Variants in WBP1L observed in about 807,000 individuals in gnomAD.
The protein encoded by WBP1L is WW domain binding protein 1-like.
A neutral mutation model predicts 33.7 loss-of-function variants in WBP1L; 17 were observed. That is an observed-to-expected ratio of 0.50 (90% CI 0.34 to 0.76). The LOEUF is 0.76. Ranked by LOEUF, WBP1L falls within the 30% of genes least tolerant of loss-of-function variation. The pLI, the probability that WBP1L is intolerant of heterozygous loss-of-function variation, is 0.01. For synonymous variants in WBP1L, 173 were observed against 190.8 expected (o/e 0.91, Z 0.77); for missense variants, 389 against 469.4 (o/e 0.83, Z 1.58).
chr10:102,769,356 C>CTTTTTT lies in WBP1L; in HGVS notation c.90+25216_90+25217insTTTTTT, dbSNP rs376863934. ...GCATCCCTTCTTTGTTTTCTTTTTT[C>CTTTTTT]TTTCTTTTTTTTTTTTTTACTGGAA... On this transcript the variant is annotated intron_variant, in intron 1 of 3. Coordinates refer to ENST00000448841, the MANE Select transcript of WBP1L (RefSeq NM_001083913.2). Among the ~76,000 whole-genome samples the CTTTTTT allele has an allele frequency of 6.7e-5, 9 of 134,648 alleles. 1 individual carries two copies. Among genetic ancestry groups the CTTTTTT allele is most frequent in the Non-Finnish European group, 1.0e-4 (6 of 59,566 alleles). 88.3% of individuals were successfully genotyped at this position (134,648 alleles called of 152,430 possible). A position where few individuals can be genotyped will look rare whatever the true frequency, so the allele number is the denominator to read the frequency against.
chr10:102,781,223 G>A (rs1843330643), intron 1 of WBP1L, among the ~76,000 whole-genome samples: 1 of 152,224 alleles, frequency 6.6e-6, no homozygotes, highest in Non-Finnish European at 1.5e-5. Context: ...TGGAAAGGCT[G>A]TGTGATAGCC....
At chr10:102,787,907 G>A (rs915653081) in intron 1 of WBP1L, among the ~76,000 whole-genome samples, 3 of 151,448 alleles carry the variant, frequency 2.0e-5, no homozygotes, top group Non-Finnish European at 2.9e-5. Flanking sequence ...GTGAAACCCT[G>A]TCTCTATTAA....
chr10:102,774,242 G>C (rs1199784943), intron 1 of WBP1L, among the ~76,000 whole-genome samples: 1 of 152,170 alleles, frequency 6.6e-6, no homozygotes, highest in South Asian at 2.1e-4. Flanking sequence ...TTCCCTGGGC[G>C]GCTGTGCCTT....
At chr10:102,759,297 C>T (rs1481079378) in intron 1 of WBP1L, among the ~76,000 whole-genome samples, 1 of 152,184 alleles carries the variant, frequency 6.6e-6, no homozygotes, top group African/African-American at 2.4e-5. Flanking sequence ...CACAATGTCC[C>T]TTCAGCACCT....
At position 102,806,017 on chromosome 10, in the gene WBP1L, A is replaced by G. The variant is rs1843728230; in HGVS notation, c.194-3876A>G. 2.6e-5 allele frequency among the ~76,000 whole-genome samples: 4 copies of G among 151,226 alleles called. No individual in the cohort carries two copies. In the Admixed American group the frequency reaches 2.6e-4, roughly 10 times the overall value. Reference sequence around the variant, plus strand: ...GGATTTTGAGACCAGCCTGGCCAACATGGTGAAACCCTGTCTCTACTAAAA... The same window carrying G: ...GGATTTTGAGACCAGCCTGGCCAACGTGGTGAAACCCTGTCTCTACTAAAA... On this transcript the variant is annotated intron_variant, in intron 2 of 3. Transcript: ENST00000448841.
chr10:102,767,194 C>A (rs11191392), intron 1 of WBP1L, among the ~76,000 whole-genome samples: 73,878 of 152,054 alleles, frequency 0.49, 18,059 homozygotes, highest in East Asian at 0.63. Flanking sequence ...GAGACCCCTG[C>A]ACATTCTGGA....
intron 1 of WBP1L, among the ~76,000 whole-genome samples, chr10:102,769,995 T>C (rs909297066): frequency 6.6e-6 from 1 of 152,222 alleles, no homozygotes; most frequent in Admixed American, 6.5e-5. Flanking sequence ...GCAGGCCTGC[T>C]ACATGCCTGC....
chr10:102,748,079 A>G (rs1269287468), intron 1 of WBP1L, among the ~76,000 whole-genome samples: 5 of 151,444 alleles, frequency 3.3e-5, no homozygotes, highest in Non-Finnish European at 7.4e-5. Flanking sequence ...ACACAGTGAA[A>G]CCCCGTCTCT....
Position 102,758,131 on chromosome 10 carries a change from C to T in WBP1L, c.90+13988C>T, listed in dbSNP as rs527263959. ...AACTCCTGACCTCATGTGATCCACCCGCCTCGGCCTCCCAAAGTACTGGGA... is the reference window on the plus strand; with the variant it reads ...AACTCCTGACCTCATGTGATCCACCTGCCTCGGCCTCCCAAAGTACTGGGA... On this transcript the variant is annotated intron_variant, in intron 1 of 3. Transcript: ENST00000448841. 1.8e-4 allele frequency among the ~76,000 whole-genome samples: 27 copies of T among 149,106 alleles called. No individual in the cohort carries two copies. In the East Asian group the frequency reaches 3.4e-3, roughly 19 times the overall value.
intron 2 of WBP1L, among the ~76,000 whole-genome samples, chr10:102,799,162 C>T (rs752178104): frequency 5.3e-5 from 8 of 152,120 alleles, no homozygotes; most frequent in Non-Finnish European, 8.8e-5. Context: ...CCCCTCTCTA[C>T]TAAAAATACA....
At chr10:102,788,013 T>A (rs10883778) in intron 1 of WBP1L, among the ~76,000 whole-genome samples, 150,734 of 150,768 alleles carry the variant, frequency 1, 75,350 homozygotes, top group Middle Eastern at 1. Flanking sequence ...TGGGAGGTGG[T>A]GGTTGCAGTG....
intron 1 of WBP1L, among the ~76,000 whole-genome samples, chr10:102,759,409 T>G (rs1437729098): frequency 6.6e-6 from 1 of 152,256 alleles, no homozygotes; most frequent in East Asian, 1.9e-4. Flanking sequence ...GATTGATAAT[T>G]GTCCATGATC....
At chr10:102,790,709 C>T (rs1843484654) in intron 1 of WBP1L, among the ~76,000 whole-genome samples, 1 of 152,048 alleles carries the variant, frequency 6.6e-6, no homozygotes, top group Non-Finnish European at 1.5e-5. Context: ...GACAGGATTT[C>T]ACTATGTTGG....
rs888380671 is a variant in WBP1L, at chr10:102,787,943, G to T, written c.91-10050G>T. 3.3e-5 allele frequency among the ~76,000 whole-genome samples: 5 copies of T among 151,540 alleles called. No individual in the cohort carries two copies. The South Asian group carries it at 1.0e-3, about 32-fold the overall frequency. On this transcript the variant is annotated intron_variant, in intron 1 of 3. Transcript: ENST00000448841. Reference sequence around the variant, plus strand: ...TAATACAAAAAATTAGCTGGGCGTGGTGGTGCACGCCTGATGTCCCAGCTA... The same window carrying T: ...TAATACAAAAAATTAGCTGGGCGTGTTGGTGCACGCCTGATGTCCCAGCTA...
intron 1 of WBP1L, among the ~76,000 whole-genome samples, chr10:102,785,408 C>T (rs377059112): frequency 2.0e-5 from 3 of 147,264 alleles, no homozygotes; most frequent in South Asian, 2.2e-4. Flanking sequence ...AGGATGGTCT[C>T]GAACTCCTGA....
intron 1 of WBP1L, among the ~76,000 whole-genome samples, chr10:102,749,540 T>G (rs1590164034): frequency 6.6e-6 from 1 of 151,972 alleles, no homozygotes; most frequent in African/African-American, 2.4e-5. Flanking sequence ...CTAGAACTCC[T>G]TGGGCTCAAG....
At chr10:102,772,500 A>G (rs1374165964) in intron 1 of WBP1L, among the ~76,000 whole-genome samples, 1 of 137,658 alleles carries the variant, frequency 7.3e-6, no homozygotes, top group Non-Finnish European at 1.5e-5. Context: ...ACCTCAGGTG[A>G]TCTGCCTGCC....
chr10:102,747,783 C>T (rs1384388700), intron 1 of WBP1L, among the ~76,000 whole-genome samples: 1 of 152,202 alleles, frequency 6.6e-6, no homozygotes, highest in Non-Finnish European at 1.5e-5. Flanking sequence ...CCATCTCAGC[C>T]TCCCAGAGTG....
chr10:102,762,103 T>G (rs1843048899), intron 1 of WBP1L, among the ~76,000 whole-genome samples: 1 of 152,122 alleles, frequency 6.6e-6, no homozygotes, highest in Admixed American at 6.6e-5. Flanking sequence ...TCTTCCCACC[T>G]CAGCTTCCCA....
Sources: allele counts gnomAD v4.1 joint callset (sites outside exome capture counted in the v4.1 genomes callset), GRCh38; gene constraint gnomAD v4.1.1; transcripts MANE v1.5; gene names NCBI Gene and HGNC (gene_info 2026-07-23, HGNC 2026-07-21).